CDC45: variants seen among roughly 807,000 people sequenced by gnomAD.
The protein encoded by CDC45 is cell division control protein 45 homolog.
In CDC45, 54 loss-of-function variants were observed where a neutral mutation model predicts 77.8. That is an observed-to-expected ratio of 0.69 (90% confidence interval 0.56 to 0.87). The LOEUF (loss-of-function observed/expected upper bound fraction) is 0.87, where lower values mean the gene tolerates loss of function less well. Ranked by LOEUF, CDC45 falls within the 40% of genes least tolerant of loss-of-function variation. The pLI is 0.00. For missense variants in CDC45, 649 were observed against 721.6 expected (o/e 0.90, Z 1.15); for synonymous variants, 260 against 272.1 (o/e 0.96, Z 0.44).
intron 3 of CDC45, among the ~76,000 whole-genome samples, chr22:19,482,220 C>T (rs994284949): frequency 2.0e-5 from 3 of 152,048 alleles, no homozygotes; most frequent in African/African-American, 7.3e-5. Context: ...GTCAAGGACC[C>T]GCACCAGCTT....
Position 19,482,758 on chromosome 22 carries a change from A to G in CDC45, c.273A>G (p.Glu91=). The G allele has an allele frequency of 6.2e-7, 1 of 1,612,900 alleles. No homozygotes were observed. Residue 91 remains glutamate (E), a synonymous_variant, in exon 4 of 19, where the codon GAA becomes GAG. Coordinates refer to ENST00000263201, the MANE Select transcript of CDC45 (RefSeq NM_003504.5). ...TATTGGATATTCTTCAACCTGATGAAGACACTATATTCTTTGTGTGTGACA... is the reference window on the plus strand; with the variant it reads ...TATTGGATATTCTTCAACCTGATGAGGACACTATATTCTTTGTGTGTGACA... ...VDLLDILQPD[E]DTIFFVCDTH...
intron 17 of CDC45, among the ~76,000 whole-genome samples, chr22:19,517,624 G>C (rs539425335): frequency 1.2e-4 from 19 of 152,330 alleles, no homozygotes; most frequent in African/African-American, 4.6e-4. Context: ...CCCAGGTCAA[G>C]GTGGGGCAGG....
At chr22:19,485,649 G>C (rs555861569) in intron 5 of CDC45, among the ~76,000 whole-genome samples, 68 of 152,302 alleles carry the variant, frequency 4.5e-4, no homozygotes, top group Middle Eastern at 3.4e-3. Flanking sequence ...CATCAATTTG[G>C]AATTTGTGTT....
intron 5 of CDC45, among the ~76,000 whole-genome samples, chr22:19,487,406 G>C (rs763455068): frequency 8.6e-5 from 13 of 151,650 alleles, no homozygotes; most frequent in Non-Finnish European, 1.8e-4. Context: ...TGGTCACATA[G>C]GCCCGGCTAC....
upstream of CDC45, chr22:19,479,903 G>A: frequency 6.5e-7 from 1 of 1,530,144 alleles, no homozygotes; most frequent in Middle Eastern, 2.2e-4. Flanking sequence ...GATTTGGCGG[G>A]AGTCTTGACC....
intron 6 of CDC45, 49 bp downstream of exon 6, chr22:19,494,431 G>T (rs1306378334): frequency 6.2e-7 from 1 of 1,605,068 alleles, no homozygotes; most frequent in Non-Finnish European, 8.5e-7. Flanking sequence ...CCACTTGCCT[G>T]GGGGTCTGTG....
chr22:19,492,172 C>T (rs5748239), intron 5 of CDC45, among the ~76,000 whole-genome samples: 104,330 of 151,942 alleles, frequency 0.69, 35,960 homozygotes, highest in South Asian at 0.75. Flanking sequence ...AGTGCACCCT[C>T]TTTCTCCTCC....
intron 7 of CDC45, among the ~76,000 whole-genome samples, chr22:19,496,464 G>A (rs2090245194): frequency 6.6e-6 from 1 of 152,186 alleles, no homozygotes; most frequent in African/African-American, 2.4e-5. Flanking sequence ...AAGGCCTTAA[G>A]GAGCCCTAGA....
Position 19,481,056 on chromosome 22 carries a change from T to C in CDC45, c.204+11T>C. ...GAGCATAAAGAACAGGTATTGAAGA[T>C]GCGTTTTAGAATAACGTGGCTTTTT... On this transcript the variant is annotated intron_variant, in intron 3 of 18. Coordinates refer to ENST00000263201, the MANE Select transcript of CDC45 (RefSeq NM_003504.5). The C allele has an allele frequency of 6.3e-7, 1 of 1,577,862 alleles. No homozygotes were observed. Among genetic ancestry groups the C allele is most frequent in the Non-Finnish European group, 8.7e-7 (1 of 1,148,646 alleles).
At chr22:19,516,475 G>A in intron 15 of CDC45, 52 bp from the exon 16 acceptor site, 1 of 1,453,458 alleles carries the variant, frequency 6.9e-7, no homozygotes, top group Non-Finnish European at 9.7e-7. Context: ...GGCTCTGAGT[G>A]TTGAGCTGGG....
intron 13 of CDC45, among the ~76,000 whole-genome samples, chr22:19,511,699 C>A (rs1269169110): frequency 1.3e-5 from 2 of 152,146 alleles, no homozygotes; most frequent in Admixed American, 1.3e-4. Flanking sequence ...TTCTCCCATT[C>A]TGTAGGCTGA....
At chr22:19,517,920 A>G (rs1013936428) in intron 17 of CDC45, among the ~76,000 whole-genome samples, 5 of 152,210 alleles carry the variant, frequency 3.3e-5, no homozygotes, top group Non-Finnish European at 2.9e-5. Flanking sequence ...CCTCTGAGAA[A>G]GGATATTTTC....
At chr22:19,481,085 C>G in intron 3 of CDC45, 40 bp downstream of exon 3, 1 of 1,289,484 alleles carries the variant, frequency 7.8e-7, no homozygotes, top group Non-Finnish European at 1.1e-6. Flanking sequence ...GCTTTTTACT[C>G]AATTGTAATT....
At chr22:19,504,702 C>T (rs537835586) in intron 9 of CDC45, among the ~76,000 whole-genome samples, 1 of 152,300 alleles carries the variant, frequency 6.6e-6, no homozygotes, top group East Asian at 1.9e-4. Context: ...ACAAACTGCA[C>T]TCTTGGTTTA....
rs571243721 is a variant in CDC45, at chr22:19,504,228, G to A, written c.705-1134G>A. 2.6e-5 allele frequency among the ~76,000 whole-genome samples: 4 copies of A among 152,244 alleles called. No homozygotes were observed. The East Asian group carries it at 5.8e-4, about 22-fold the overall frequency. On this transcript the variant is annotated intron_variant, in intron 9 of 18. Transcript: ENST00000263201. ...AAGAGTTTCATGATTGCAGGGCACC[G>A]AGTGAGAAGATGGGAGGAGATCCTC...
intron 10 of CDC45, 50 bp from the exon 11 acceptor site, chr22:19,507,336 T>C (rs768817841): frequency 1.3e-6 from 2 of 1,595,816 alleles, no homozygotes; most frequent in Non-Finnish European, 1.7e-6. Context: ...GTTACGAGAG[T>C]GCTCAGGGCG....
intron 13 of CDC45, among the ~76,000 whole-genome samples, chr22:19,511,445 C>T (rs1272707371): frequency 6.6e-6 from 1 of 151,722 alleles, no homozygotes; most frequent in Non-Finnish European, 1.5e-5. Context: ...ATCCTCCCAC[C>T]TCAGCCTCCT....
chr22:19,506,155 C>CA (rs1272189320), intron 10 of CDC45, among the ~76,000 whole-genome samples: 4 of 152,114 alleles, frequency 2.6e-5, no homozygotes, highest in African/African-American at 9.7e-5. Context: ...TGTAAGCAGT[C>CA]AGATAGCATG....
intron 9 of CDC45, among the ~76,000 whole-genome samples, chr22:19,500,853 C>T (rs2090328677): frequency 6.6e-6 from 1 of 152,160 alleles, no homozygotes; most frequent in Non-Finnish European, 1.5e-5. Flanking sequence ...TGTTACTGCA[C>T]AGTGGACATA....
Sources: gnomAD v4.1 joint callset for allele counts (sites outside exome capture counted in the v4.1 genomes callset) on GRCh38, gnomAD v4.1.1 for gene constraint, MANE v1.5 for transcripts, NCBI Gene and HGNC (gene_info 2026-07-23, HGNC 2026-07-21) for gene names.